SDK1: variants seen among roughly 807,000 people sequenced by gnomAD.
SDK1 encodes the protein protein sidekick-1.
Under a neutral mutation model 245.5 loss-of-function variants are expected in SDK1, and 157 were observed. That is an observed-to-expected ratio of 0.64 (90% CI 0.56 to 0.73). The LOEUF (loss-of-function observed/expected upper bound fraction) is 0.73. Among genes scored for constraint, SDK1 ranks in the 30% least tolerant of loss-of-function variants. SDK1 has a pLI of 0.00. For synonymous variants in SDK1, 1,647 were observed against 1,278.5 expected, an observed-to-expected ratio of 1.29 and a Z score of -6.15; for missense variants, 3,583 against 3,002.3, an observed-to-expected ratio of 1.19 and a Z score of -4.52.
rs534114725 is a variant in SDK1 at position 4,126,481 on chromosome 7, G to A, written c.3824-900G>A. On this transcript the variant is annotated intron_variant, in intron 25 of 44. Transcript: ENST00000404826. ...TCACGCCTGTAATCCCAGCACTTGG[G>A]AGGCCGAGGCGGACAAATCACTTGA... Among the ~76,000 whole-genome samples the A allele has an allele frequency of 2.0e-5, 3 of 152,352 alleles. No individual in the cohort carries two copies. The East Asian group carries it at 5.8e-4, about 29-fold the overall frequency.
intron 35 of SDK1, among the ~76,000 whole-genome samples, chr7:4,192,797 G>T (rs1190672281): frequency 6.6e-6 from 1 of 151,862 alleles, no homozygotes; most frequent in East Asian, 1.9e-4. Flanking sequence ...CAACCACAAG[G>T]CAGCACGGCC....
chr7:4,017,572 A>G lies in SDK1; in HGVS notation c.2602+220A>G, dbSNP rs377409826. Among the ~76,000 whole-genome samples, 42 of 152,288 alleles carry G rather than the reference A, an allele frequency of 2.8e-4. 1 individual carries two copies. Among genetic ancestry groups the G allele is most frequent in the African/African-American group, 8.7e-4 (36 of 41,572 alleles). ...CAAATAATATTCCAACTGCTTTTTC[A>G]GTGACTAAGGAAGTTTCTGTACACG... is the stretch of plus-strand genomic sequence containing the variant. On this transcript the variant is annotated intron_variant, in intron 17 of 44. Transcript: ENST00000404826.
intron 1 of SDK1, among the ~76,000 whole-genome samples, chr7:3,443,875 A>T (rs1250364112): frequency 6.6e-6 from 1 of 152,240 alleles, no homozygotes; most frequent in Non-Finnish European, 1.5e-5. Flanking sequence ...TTTCAAGTTC[A>T]GCTAAACCAC....
At chr7:4,110,104 C>G (rs56717554) in intron 22 of SDK1, among the ~76,000 whole-genome samples, 1 of 152,198 alleles carries the variant, frequency 6.6e-6, no homozygotes, top group Admixed American at 6.5e-5. Context: ...GCCTGCCGAT[C>G]TGGCTTCCAG....
In SDK1 at chr7:4,223,057, T is replaced by C. The variant is rs561322502; in HGVS notation, c.5827+1693T>C. ...GATTTCTTCCTCAACTCTTCCAGCC[T>C]GGGTGACAGAGCAAGGCTCCGTCTC... On this transcript the variant is annotated intron_variant, in intron 40 of 44. Transcript: ENST00000404826. Among the ~76,000 whole-genome samples the C allele has an allele frequency of 1.3e-5, 2 of 148,430 alleles. 1 individual carries two copies. The highest frequency in any genetic ancestry group is 5.0e-5 in the African/African-American group (2 of 39,992).
At chr7:3,676,023 T>C (rs1292959499) in intron 4 of SDK1, among the ~76,000 whole-genome samples, 1 of 152,194 alleles carries the variant, frequency 6.6e-6, no homozygotes. Flanking sequence ...TCTTTTTTTG[T>C]GGCACTATCA....
intron 1 of SDK1, among the ~76,000 whole-genome samples, chr7:3,334,669 C>G (rs1351228281): frequency 6.6e-6 from 1 of 152,146 alleles, no homozygotes; most frequent in East Asian, 1.9e-4. Context: ...CTGGTGGCAG[C>G]TCATTCTGTT....
chr7:3,482,640 C>G (rs990777442), intron 1 of SDK1, among the ~76,000 whole-genome samples: 24 of 152,170 alleles, frequency 1.6e-4, no homozygotes, highest in Admixed American at 1.6e-3. Context: ...TCCTGCTATC[C>G]TACTGGGGAG....
intron 5 of SDK1, among the ~76,000 whole-genome samples, chr7:3,877,106 C>G (rs544867002): frequency 2.6e-5 from 4 of 152,174 alleles, no homozygotes; most frequent in Non-Finnish European, 5.9e-5. Context: ...ACCAGAGAGG[C>G]ATGGATACAA....
In SDK1 at chr7:4,268,847, GGGAGCCGTCA is replaced by G; in HGVS notation, c.*3466_*3475del. ...CCTTCCCGCGTCACCTTCTGGTTTA[GGGAGCCGTCA>G]GGTCCCTAAACGTTCCCTACAACTT... On this transcript the variant is annotated 3_prime_UTR_variant, in exon 45 of 45. Transcript: ENST00000404826. 1.1e-6 allele frequency: 1 copy of G among 904,268 alleles called. No individual in the cohort carries two copies. The highest frequency in any genetic ancestry group is 1.6e-6 in the Non-Finnish European group (1 of 608,072). 56.0% of individuals were successfully genotyped at this position (904,268 alleles called of 1,614,324 possible).
chr7:3,859,780 C>T (rs576338608), intron 5 of SDK1, among the ~76,000 whole-genome samples: 9 of 152,314 alleles, frequency 5.9e-5, no homozygotes, highest in East Asian at 1.9e-4. Flanking sequence ...GTGTCACTCA[C>T]GTCACACTTC....
At chr7:4,086,015 C>T (rs1286820349) in intron 22 of SDK1, among the ~76,000 whole-genome samples, 1 of 152,184 alleles carries the variant, frequency 6.6e-6, no homozygotes, top group African/African-American at 2.4e-5. Context: ...ACATAGATAA[C>T]CATATTTATT....
chr7:3,308,051 G>C (rs1024159846), intron 1 of SDK1, among the ~76,000 whole-genome samples: 13 of 152,028 alleles, frequency 8.6e-5, no homozygotes, highest in African/African-American at 3.1e-4. Flanking sequence ...TTCTCCTTAG[G>C]TGCTGCCGTC....
intron 32 of SDK1, among the ~76,000 whole-genome samples, chr7:4,173,709 T>C (rs569671035): frequency 6.6e-6 from 1 of 152,278 alleles, no homozygotes; most frequent in African/African-American, 2.4e-5. Context: ...GCCATGGGGA[T>C]TCCAGCCTGA....
At chr7:3,441,877 A>T (rs1780206336) in intron 1 of SDK1, among the ~76,000 whole-genome samples, 2 of 152,156 alleles carry the variant, frequency 1.3e-5, no homozygotes, top group Admixed American at 1.3e-4. Context: ...GGTACCTTGA[A>T]ATTACATTAA....
At chr7:3,517,019 G>C (rs1246342160) in intron 1 of SDK1, among the ~76,000 whole-genome samples, 1 of 152,144 alleles carries the variant, frequency 6.6e-6, no homozygotes, top group Non-Finnish European at 1.5e-5. Context: ...TATCTCAGAA[G>C]ATTAGGGTTA....
chr7:3,520,340 C>T (rs1345274651), intron 1 of SDK1, among the ~76,000 whole-genome samples: 1 of 152,178 alleles, frequency 6.6e-6, no homozygotes, highest in Non-Finnish European at 1.5e-5. Context: ...TAAGAACATC[C>T]TGTGCAGCTC....
chr7:3,625,934 T>TTTTC (rs544507928), intron 2 of SDK1, among the ~76,000 whole-genome samples: 1 of 126,524 alleles, frequency 7.9e-6, no homozygotes, highest in Non-Finnish European at 1.6e-5. Context: ...TCTTTCTTTC[T>TTTTC]TTTCTTTCTT....
chr7:3,865,974 C>A (rs183570932), intron 5 of SDK1, among the ~76,000 whole-genome samples: 1 of 152,234 alleles, frequency 6.6e-6, no homozygotes, highest in East Asian at 1.9e-4. Flanking sequence ...CAGCAGCGGA[C>A]CTGCTGGTAC....
Sources: gnomAD v4.1 joint callset for allele counts (sites outside exome capture counted in the v4.1 genomes callset) on GRCh38, gnomAD v4.1.1 for gene constraint, MANE v1.5 for transcripts, NCBI Gene and HGNC (gene_info 2026-07-23, HGNC 2026-07-21) for gene names.